The following ADA2 variants were observed in gnomAD, a reference collection of about 807,000 sequenced individuals.
The protein encoded by ADA2 is adenosine deaminase CECR1.
In ADA2, 29 loss-of-function variants were observed where a neutral mutation model predicts 44.2. The observed-to-expected ratio is 0.66, with a 90% CI of 0.49 to 0.89. The LOEUF is 0.89. ADA2 is among the 40% of genes least tolerant of loss of function. The pLI, the probability that ADA2 is intolerant of heterozygous loss-of-function variation, is 0.00. For missense variants in ADA2, 637 were observed against 644.8 expected (o/e 0.99, Z 0.13); for synonymous variants, 215 against 234.9 (o/e 0.92, Z 0.77).
chr22:17,185,956 T>A (rs1390950285), intron 7 of ADA2, among the ~76,000 whole-genome samples: 3 of 152,154 alleles, frequency 2.0e-5, no homozygotes, highest in Admixed American at 6.5e-5. Flanking sequence ...GCCGTGATCT[T>A]TCTTAGTTAG....
At chr22:17,199,420 C>CCCTCCCCTCCTCTATCCTCTTCCCCTG in intron 4 of ADA2, 1 of 928,404 alleles carries the variant, frequency 1.1e-6, no homozygotes, top group Non-Finnish European at 1.8e-6. Context: ...AGCGTCTCCT[C>CCCTCCCCTCCTCTATCCTCTTCCCCTG]CCTCCCCTCC....
At chr22:17,188,966 C>T (rs2062079230) in intron 6 of ADA2, among the ~76,000 whole-genome samples, 1 of 148,910 alleles carries the variant, frequency 6.7e-6, no homozygotes, top group Non-Finnish European at 1.5e-5. Context: ...ACCTTGGCCC[C>T]CCAAGGTGCT....
intron 1 of ADA2, among the ~76,000 whole-genome samples, chr22:17,215,620 A>G (rs926932015): frequency 2.7e-5 from 4 of 150,818 alleles, no homozygotes; most frequent in Non-Finnish European, 4.4e-5. Context: ...AAAAAAAAAG[A>G]AAAAAGAAAT....
chr22:17,192,342 A>C (rs2062128318), intron 4 of ADA2, among the ~76,000 whole-genome samples: 2 of 151,880 alleles, frequency 1.3e-5, no homozygotes, highest in African/African-American at 4.8e-5. Context: ...TCACGGGGGG[A>C]GAGGATGAAA....
intron 4 of ADA2, among the ~76,000 whole-genome samples, chr22:17,202,263 A>C (rs1428188557): frequency 1.1e-4 from 17 of 151,832 alleles, no homozygotes; most frequent in Admixed American, 1.1e-3. Context: ...CCAAGTAGCT[A>C]GAAGTACAGG....
At chr22:17,206,720 G>A (rs1398623468) in intron 3 of ADA2, among the ~76,000 whole-genome samples, 7 of 151,912 alleles carry the variant, frequency 4.6e-5, no homozygotes, top group Non-Finnish European at 1.0e-4. Context: ...GTTCACTGTG[G>A]CCTCAACCTC....
intron 3 of ADA2, among the ~76,000 whole-genome samples, chr22:17,205,822 A>G (rs1486426962): frequency 1.3e-5 from 2 of 151,738 alleles, no homozygotes; most frequent in African/African-American, 4.9e-5. Flanking sequence ...CACAAAAAAT[A>G]CAAAAATTAG....
intron 7 of ADA2, among the ~76,000 whole-genome samples, chr22:17,187,992 T>C (rs1268928715): frequency 6.6e-6 from 1 of 151,110 alleles, no homozygotes; most frequent in Non-Finnish European, 1.5e-5. Context: ...TAGTACCAGC[T>C]ACTTGGAAGG....
chr22:17,219,332 C>G (rs2062502720), intron 1 of ADA2, 24 bp downstream of exon 1: 1 of 152,494 alleles, frequency 6.6e-6, no homozygotes, highest in African/African-American at 2.4e-5. Flanking sequence ...CATCATCCCA[C>G]AGCTCCCAAA....
intron 4 of ADA2, among the ~76,000 whole-genome samples, chr22:17,201,202 CAAA>C (rs5844297): frequency 8.0e-6 from 1 of 125,396 alleles, no homozygotes; most frequent in Non-Finnish European, 1.7e-5. Context: ...GAAATTCTGT[CAAA>C]AAAAAAAAAG....
intron 7 of ADA2, 28 bp downstream of exon 7, chr22:17,188,311 T>A (rs368334057): frequency 1.3e-6 from 2 of 1,557,044 alleles, no homozygotes; most frequent in Non-Finnish European, 1.8e-6. Flanking sequence ...CCACCTCCGC[T>A]GCCTCTGCTC....
At chr22:17,198,371 C>T (rs1393641276) in intron 4 of ADA2, among the ~76,000 whole-genome samples, 1 of 152,136 alleles carries the variant, frequency 6.6e-6, no homozygotes, top group Non-Finnish European at 1.5e-5. Flanking sequence ...CTGTTCCAAT[C>T]GACAGACAAG....
intron 4 of ADA2, among the ~76,000 whole-genome samples, chr22:17,200,058 G>A (rs779732151): frequency 8.2e-4 from 124 of 152,114 alleles, no homozygotes; most frequent in Non-Finnish European, 1.6e-3. Context: ...AGCTGAGTGC[G>A]GTGGTGTACA....
At chr22:17,194,440 T>A (rs781382176) in intron 4 of ADA2, among the ~76,000 whole-genome samples, 1 of 152,106 alleles carries the variant, frequency 6.6e-6, no homozygotes, top group South Asian at 2.1e-4. Flanking sequence ...GTCCCTCAGA[T>A]CCCCGCATTC....
intron 2 of ADA2, among the ~76,000 whole-genome samples, chr22:17,208,983 C>A (rs1454965521): frequency 2.0e-5 from 3 of 151,922 alleles, no homozygotes; most frequent in Admixed American, 1.3e-4. Context: ...TGCACCACCA[C>A]CCCTGGCTAT....
intron 4 of ADA2, among the ~76,000 whole-genome samples, chr22:17,196,947 C>T (rs2062198629): frequency 6.6e-6 from 1 of 152,140 alleles, no homozygotes; most frequent in Admixed American, 6.5e-5. Context: ...CCGAGGCAGG[C>T]GAATCACCTG....
chr22:17,188,496 C>G, intron 6 of ADA2, 49 bp from the exon 7 acceptor site: 1 of 1,341,494 alleles, frequency 7.5e-7, no homozygotes, highest in South Asian at 1.2e-5. Context: ...GCATGCCTCA[C>G]TTGCTGATGG....
intron 1 of ADA2, chr22:17,213,574 T>C: frequency 3.3e-6 from 1 of 299,216 alleles, no homozygotes; most frequent in South Asian, 3.0e-5. Flanking sequence ...GAGCTCAGAG[T>C]GACCAAGCGG....
At position 17,179,668 on chromosome 22, in the gene ADA2, G is replaced by C. The variant is rs541326467; in HGVS notation, c.*1815C>G. ...GCACGGTATAGAGCCGAGGACATTT[G>C]AGGAAGAAAGGGCCGCCGGGGTTGG... is the stretch of plus-strand genomic sequence containing the variant. On this transcript the variant is annotated 3_prime_UTR_variant, in exon 10 of 10. Transcript: ENST00000399837. 7.2e-5 allele frequency: 11 copies of C among 152,466 alleles called. No homozygotes were observed. The highest frequency in any genetic ancestry group is 5.2e-4 in the Admixed American group (8 of 15,294). The allele number at this position is 152,466 out of a possible 1,614,324, so 9.4% of individuals were successfully genotyped here. A position where few individuals can be genotyped will look rare whatever the true frequency, so the allele number is the denominator to read the frequency against.
Sources: allele counts gnomAD v4.1 joint callset (sites outside exome capture counted in the v4.1 genomes callset), GRCh38; gene constraint gnomAD v4.1.1; transcripts MANE v1.5; gene names NCBI Gene and HGNC (gene_info 2026-07-23, HGNC 2026-07-21).